NDUFA10: variants seen among roughly 807,000 people sequenced by gnomAD.
NDUFA10 encodes NADH:ubiquinone oxidoreductase subunit A10.
In NDUFA10, 40 loss-of-function variants were observed where a neutral mutation model predicts 47.8. That is an observed-to-expected ratio of 0.84 (90% CI 0.65 to 1.09). NDUFA10 has a LOEUF of 1.09. NDUFA10 is among the 50% of genes least tolerant of loss of function. NDUFA10 has a pLI of 0.00. For synonymous variants in NDUFA10, 183 were observed against 172.2 expected, an observed-to-expected ratio of 1.06 and a Z score of -0.49; for missense variants, 413 against 451.1, an observed-to-expected ratio of 0.92 and a Z score of 0.76.
At chr2:240,015,948 G>A (rs947431549) in intron 4 of NDUFA10, among the ~76,000 whole-genome samples, 3 of 152,206 alleles carry the variant, frequency 2.0e-5, no homozygotes, top group Admixed American at 6.5e-5. Context: ...CTGGAGCCCA[G>A]GAGTTCAGGA....
intron 8 of NDUFA10, among the ~76,000 whole-genome samples, chr2:239,997,308 A>T (rs720772): frequency 0.57 from 86,702 of 152,010 alleles, 24,893 homozygotes; most frequent in Admixed American, 0.6. Flanking sequence ...AACAAAAACC[A>T]GGTTCTTCGA....
rs139891112 is a variant in NDUFA10 at position 240,019,336 on chromosome 2, T to G, written c.461-697A>C. 6.6e-3 allele frequency among the ~76,000 whole-genome samples: 1,010 copies of G among 152,262 alleles called. 17 individuals carry two copies. The highest frequency in any genetic ancestry group is 0.023 in the African/African-American group (946 of 41,530). On this transcript the variant is annotated intron_variant, in intron 3 of 9. Coordinates refer to ENST00000252711, the MANE Select transcript of NDUFA10 (RefSeq NM_004544.4). ...CAGCAGACATGCACTAAATATTTAA[T>G]GAATACGTTAACCCAGTTCCAATTT...
intron 9 of NDUFA10, among the ~76,000 whole-genome samples, chr2:239,977,002 G>A (rs181363691): frequency 1.3e-5 from 2 of 152,190 alleles, no homozygotes; most frequent in Admixed American, 1.3e-4. Context: ...AGAAAAACGA[G>A]TTGGCTGGAC....
intron 4 of NDUFA10, among the ~76,000 whole-genome samples, chr2:239,918,800 G>A (rs1246336685): frequency 6.6e-6 from 1 of 152,138 alleles, no homozygotes; most frequent in Non-Finnish European, 1.5e-5. Context: ...CCGTGTCCTC[G>A]CTCTCCACGC....
intron 8 of NDUFA10, among the ~76,000 whole-genome samples, chr2:239,993,843 G>C (rs1442865562): frequency 6.6e-6 from 1 of 152,096 alleles, no homozygotes; most frequent in Non-Finnish European, 1.5e-5. Flanking sequence ...CTAGGATTAT[G>C]GTTGACAGAG....
chr2:240,025,336 G>A lies in NDUFA10; in HGVS notation c.-35C>T, dbSNP rs931007154. 5 of 1,475,430 alleles carry A rather than the reference G, an allele frequency of 3.4e-6. No homozygotes were observed. Among genetic ancestry groups the A allele is most frequent in the East Asian group, 2.9e-5 (1 of 34,228 alleles). The allele number at this position is 1,475,430 out of a possible 1,614,324, so 91.4% of individuals were successfully genotyped here. A position where few individuals can be genotyped will look rare whatever the true frequency, so the allele number is the denominator to read the frequency against. ...GTCAGCTCAGGATCAAGGACCCAAG[G>A]GGACGCGGTCGCGACGGGGCCCTCT... On this transcript the variant is annotated 5_prime_UTR_variant, in exon 1 of 10. Coordinates refer to ENST00000252711, the MANE Select transcript of NDUFA10 (RefSeq NM_004544.4).
intron 4 of NDUFA10, among the ~76,000 whole-genome samples, chr2:239,900,607 G>T (rs1009167217): frequency 9.3e-5 from 14 of 150,728 alleles, no homozygotes; most frequent in Non-Finnish European, 1.5e-4. Flanking sequence ...GTGTGGGCTA[G>T]GGGTGGGGAA....
intron 4 of NDUFA10, among the ~76,000 whole-genome samples, chr2:239,937,935 A>G (rs1012255038): frequency 3.9e-5 from 6 of 152,096 alleles, no homozygotes; most frequent in African/African-American, 1.4e-4. Flanking sequence ...CAGCACCCCA[A>G]TGTGCCACAC....
At chr2:240,012,441 C>CTTG (rs2106483045) in intron 5 of NDUFA10, 1 of 153,802 alleles carries the variant, frequency 6.5e-6, no homozygotes, top group East Asian at 1.9e-4. Context: ...ATGTCCCTAG[C>CTTG]ACCAAGCAGG....
At chr2:240,025,122 C>T (rs1697803226) in intron 1 of NDUFA10, 105 bp downstream of exon 1, 5 of 1,182,254 alleles carry the variant, frequency 4.2e-6, no homozygotes, top group Non-Finnish European at 5.6e-6. Flanking sequence ...CGGAGAGCGA[C>T]CTGGGAGCCG....
In NDUFA10 at chr2:239,958,119, GGCCA is replaced by G. The variant is rs1367023549; in HGVS notation, c.*2995_*2998del. 6.6e-6 allele frequency: 1 copy of G among 152,144 alleles called. No individual in the cohort carries two copies. Among genetic ancestry groups the G allele is most frequent in the East Asian group, 1.9e-4 (1 of 5,196 alleles). The allele number at this position is 152,144 out of a possible 1,614,324, so 9.4% of individuals were successfully genotyped here. A position where few individuals can be genotyped will look rare whatever the true frequency, so the allele number is the denominator to read the frequency against. On this transcript the variant is annotated 3_prime_UTR_variant, in exon 10 of 10. Transcript: ENST00000252711. ...CACCTGCTTCCATTCATGGAATTCT[GGCCA>G]GCCAGTGGCTGATGCCTACACAAGC...
At chr2:239,948,396 G>A (rs769934612) in intron 4 of NDUFA10, among the ~76,000 whole-genome samples, 1 of 152,228 alleles carries the variant, frequency 6.6e-6, no homozygotes, top group Non-Finnish European at 1.5e-5. Context: ...GAAAGTAACC[G>A]ACATCTCCAC....
Position 239,928,022 on chromosome 2 carries a change from A to G in NDUFA10, c.295-32708T>C, listed in dbSNP as rs971981536. ...GTCATCAAATTAAAAGTTAAAAGCA[A>G]AGACACAAAACACCAGTACCCAGGT... On this transcript the variant is annotated intron_variant, in intron 4 of 5. Transcript: ENST00000419408. The surrounding 1 kb of genome is among the most constrained non-coding windows in gnomAD (Gnocchi z 4.3). 4.0e-5 allele frequency among the ~76,000 whole-genome samples: 6 copies of G among 150,018 alleles called. No individual in the cohort carries two copies. Among genetic ancestry groups the G allele is most frequent in the Admixed American group, 4.0e-4 (6 of 15,006 alleles).
intron 8 of NDUFA10, among the ~76,000 whole-genome samples, chr2:239,996,723 C>A (rs1348793443): frequency 6.6e-6 from 1 of 152,212 alleles, no homozygotes; most frequent in Non-Finnish European, 1.5e-5. Flanking sequence ...CTTGTCCAAC[C>A]CATGGCTGTA....
rs1214001234 is a variant in NDUFA10 at position 239,958,800 on chromosome 2, A to G, written c.*2318T>C. 5.5e-6 allele frequency: 2 copies of G among 364,994 alleles called. No homozygotes were observed. The highest frequency in any genetic ancestry group is 7.6e-6 in the Non-Finnish European group (2 of 263,192). The allele number at this position is 364,994 out of a possible 1,614,324, so 22.6% of individuals were successfully genotyped here. ...TTCAATACAGAATTCTCATGCCTGT[A>G]AACACATGCCTGTATGAATAAAATC... On this transcript the variant is annotated 3_prime_UTR_variant, in exon 10 of 10. Transcript: ENST00000252711.
At chr2:239,988,852 GAC>G (rs746601617) in intron 9 of NDUFA10, among the ~76,000 whole-genome samples, 19 of 151,642 alleles carry the variant, frequency 1.3e-4, no homozygotes, top group Non-Finnish European at 2.5e-4. Context: ...CAGAAAGGGA[GAC>G]ACAGCACACA....
At chr2:239,939,293 C>T (rs1297380622) in intron 4 of NDUFA10, among the ~76,000 whole-genome samples, 1 of 152,182 alleles carries the variant, frequency 6.6e-6, no homozygotes, top group Admixed American at 6.5e-5. Context: ...GTGACTTATT[C>T]AAACCAGCCC....
chr2:239,972,442 C>A (rs1695341801), intron 9 of NDUFA10, among the ~76,000 whole-genome samples: 2 of 151,960 alleles, frequency 1.3e-5, no homozygotes. Flanking sequence ...ATTCCAGTTT[C>A]CAACTCCTAT....
At chr2:239,935,571 G>A (rs911596467) in intron 4 of NDUFA10, among the ~76,000 whole-genome samples, 6 of 152,172 alleles carry the variant, frequency 3.9e-5, no homozygotes, top group African/African-American at 1.2e-4. Flanking sequence ...CTGACATAAC[G>A]ATAGTGATGA....
Sources: allele counts gnomAD v4.1 joint callset (sites outside exome capture counted in the v4.1 genomes callset), GRCh38; gene constraint gnomAD v4.1.1; non-coding constraint Gnocchi (gnomAD v3.1); transcripts MANE v1.5; gene names NCBI Gene and HGNC (gene_info 2026-07-23, HGNC 2026-07-21).